The following PRLR variants were observed in gnomAD, a reference collection of about 807,000 sequenced individuals.
PRLR encodes hPRL receptor.
A neutral mutation model predicts 40.2 loss-of-function variants in PRLR; 13 were observed. The ratio of observed to expected loss-of-function variants is 0.32; its 90% confidence interval spans 0.21 to 0.51. The LOEUF is 0.51. Ranked by LOEUF, PRLR falls within the 20% of genes least tolerant of loss-of-function variation. PRLR has a pLI of 0.97. For synonymous variants in PRLR, 269 were observed against 278.7 expected, an observed-to-expected ratio of 0.97 and a Z score of 0.35; for missense variants, 656 against 747.3, an observed-to-expected ratio of 0.88 and a Z score of 1.42.
intron 1 of PRLR, among the ~76,000 whole-genome samples, chr5:35,181,506 C>T (rs1398811178): frequency 1.3e-5 from 2 of 152,198 alleles, no homozygotes; most frequent in African/African-American, 4.8e-5. Flanking sequence ...GTGAGAGCTG[C>T]CACTCAGACT....
At chr5:35,078,175 G>A (rs905164290) in intron 5 of PRLR, among the ~76,000 whole-genome samples, 1 of 152,132 alleles carries the variant, frequency 6.6e-6, no homozygotes, top group Non-Finnish European at 1.5e-5. Flanking sequence ...ACATTCAAAA[G>A]CTAGCAGAAG....
chr5:35,101,311 C>G (rs2112511738), intron 2 of PRLR, among the ~76,000 whole-genome samples: 1 of 152,284 alleles, frequency 6.6e-6, no homozygotes, highest in East Asian at 1.9e-4. Flanking sequence ...TTGAGTTGTG[C>G]AACTCTTTTC....
At position 35,204,264 on chromosome 5, in the gene PRLR, C is replaced by A. The variant is rs572703723; in HGVS notation, c.-106+26004G>T. On this transcript the variant is annotated intron_variant, in intron 1 of 9. Transcript: ENST00000618457. ...GAAAAAAAAAACATAAAAACACACA[C>A]AAGAAGATCAGAATGTAATGTTATC... is the stretch of plus-strand genomic sequence containing the variant. Among the ~76,000 whole-genome samples, 14 of 149,244 alleles carry A rather than the reference C, an allele frequency of 9.4e-5. No homozygotes were observed. The East Asian group carries it at 2.6e-3, about 27-fold the overall frequency.
intron 1 of PRLR, among the ~76,000 whole-genome samples, chr5:35,120,318 T>C (rs1349316462): frequency 6.6e-6 from 1 of 152,134 alleles, no homozygotes; most frequent in African/African-American, 2.4e-5. Flanking sequence ...GGTGACAAAT[T>C]CCCTTGTTCT....
chr5:35,160,408 C>A (rs1287599280), intron 1 of PRLR, among the ~76,000 whole-genome samples: 1 of 152,168 alleles, frequency 6.6e-6, no homozygotes, highest in Non-Finnish European at 1.5e-5. Context: ...GCCATCTCTG[C>A]TCTTACCTTT....
intron 1 of PRLR, among the ~76,000 whole-genome samples, chr5:35,193,415 C>T (rs1222116091): frequency 2.6e-5 from 4 of 152,196 alleles, no homozygotes; most frequent in African/African-American, 9.7e-5. Flanking sequence ...TATCATCTTA[C>T]TGGGTTCATT....
intron 1 of PRLR, among the ~76,000 whole-genome samples, chr5:35,220,997 G>A (rs1238272784): frequency 6.6e-6 from 1 of 152,140 alleles, no homozygotes; most frequent in East Asian, 1.9e-4. Flanking sequence ...GGATGACTTG[G>A]AATTGGCTTT....
chr5:35,137,929 C>CGAG (rs1189166449), intron 1 of PRLR, among the ~76,000 whole-genome samples: 2 of 152,118 alleles, frequency 1.3e-5, no homozygotes, highest in Non-Finnish European at 2.9e-5. Context: ...AGCGAGACTC[C>CGAG]ATCTCAAAGC....
At position 35,171,266 on chromosome 5, in the gene PRLR, C is replaced by T. The variant is rs139491453; in HGVS notation, c.-105-53144G>A. 1.4e-4 allele frequency among the ~76,000 whole-genome samples: 22 copies of T among 152,212 alleles called. No individual in the cohort carries two copies. In the East Asian group the frequency reaches 4.2e-3, roughly 29 times the overall value. On this transcript the variant is annotated intron_variant, in intron 1 of 9. Coordinates refer to ENST00000618457, the MANE Select transcript of PRLR (RefSeq NM_000949.7). Reference sequence around the variant, plus strand: ...GACAGCAACCCTTGCTGCTATGTAACAACTTGAAAGTCCCAGGATCTGTCA... The same window carrying T: ...GACAGCAACCCTTGCTGCTATGTAATAACTTGAAAGTCCCAGGATCTGTCA...
chr5:35,070,962 G>A (rs76874076), intron 6 of PRLR, among the ~76,000 whole-genome samples: 4,576 of 152,100 alleles, frequency 0.03, 227 homozygotes, highest in African/African-American at 0.1. Context: ...AGAGAATTGG[G>A]CATTCATGTA....
At chr5:35,078,714 C>T (rs967869046) in intron 5 of PRLR, among the ~76,000 whole-genome samples, 4 of 152,180 alleles carry the variant, frequency 2.6e-5, no homozygotes, top group Non-Finnish European at 5.9e-5. Context: ...TTCGTGAGGC[C>T]AGCATCATCC....
intron 1 of PRLR, among the ~76,000 whole-genome samples, chr5:35,196,943 A>ACCTC (rs1775752480): frequency 6.6e-6 from 1 of 152,124 alleles, no homozygotes; most frequent in African/African-American, 2.4e-5. Flanking sequence ...ACATGGTGGA[A>ACCTC]AAAGGTGAGA....
At position 35,087,642 on chromosome 5, in the gene PRLR, G is replaced by T. The variant is rs370916491; in HGVS notation, c.71-1302C>A. ...GAGCAACCACTGTTATCTAAGAGCT[G>T]TACCCAGTTCCAGACTGGATGCTAG... On this transcript the variant is annotated intron_variant, in intron 3 of 9. Transcript: ENST00000618457. Among the ~76,000 whole-genome samples the T allele has an allele frequency of 5.2e-4, 79 of 152,192 alleles. 2 individuals are homozygous for T. The South Asian group carries it at 0.016, about 31-fold the overall frequency.
At chr5:35,125,522 A>C (rs1773429289) in intron 1 of PRLR, among the ~76,000 whole-genome samples, 1 of 152,214 alleles carries the variant, frequency 6.6e-6, no homozygotes, top group Non-Finnish European at 1.5e-5. Context: ...ATAATTCCCA[A>C]TTCATTGCAA....
intron 5 of PRLR, among the ~76,000 whole-genome samples, chr5:35,074,423 T>C (rs1448679583): frequency 2.6e-5 from 4 of 150,946 alleles, no homozygotes; most frequent in Admixed American, 2.0e-4. Context: ...GATCGCACCA[T>C]TGCACTCCAG....
At chr5:35,123,134 G>A (rs1419472716) in intron 1 of PRLR, among the ~76,000 whole-genome samples, 1 of 152,194 alleles carries the variant, frequency 6.6e-6, no homozygotes, top group Non-Finnish European at 1.5e-5. Flanking sequence ...GATAGGAATT[G>A]ACAAATAGTA....
At chr5:35,153,366 C>T (rs1774392960) in intron 1 of PRLR, among the ~76,000 whole-genome samples, 1 of 152,096 alleles carries the variant, frequency 6.6e-6, no homozygotes, top group South Asian at 2.1e-4. Flanking sequence ...GCCAATTCGT[C>T]TGGGATTGTC....
rs1774496995 is a variant in PRLR, at chr5:35,156,144, AAAAAAAAC to A, written c.-105-38030_-105-38023del. Among the ~76,000 whole-genome samples the A allele has an allele frequency of 4.0e-5, 6 of 151,610 alleles. 1 individual carries two copies. The highest frequency in any genetic ancestry group is 2.0e-4 in the Admixed American group (3 of 15,242). On this transcript the variant is annotated intron_variant, in intron 1 of 9. Transcript: ENST00000618457. ...GCTCAAGATAAAAAAAAAAAACAAAAAAAAAAACAAAACCAACTTTGAATCATCCTTGA... is the reference window on the plus strand; with the variant it reads ...GCTCAAGATAAAAAAAAAAAACAAAAAAAACCAACTTTGAATCATCCTTGA...
At chr5:35,170,400 G>C (rs536947336) in intron 1 of PRLR, among the ~76,000 whole-genome samples, 8 of 152,300 alleles carry the variant, frequency 5.3e-5, no homozygotes, top group African/African-American at 1.9e-4. Context: ...GCATCATTTT[G>C]TTTGCTTCAA....
Sources: gnomAD v4.1 joint callset for allele counts (sites outside exome capture counted in the v4.1 genomes callset) on GRCh38, gnomAD v4.1.1 for gene constraint, MANE v1.5 for transcripts, NCBI Gene and HGNC (gene_info 2026-07-23, HGNC 2026-07-21) for gene names.